R3HDM1: variants seen among roughly 807,000 people sequenced by gnomAD.
The protein encoded by R3HDM1 is R3H domain-containing protein 1.
A neutral mutation model predicts 141.1 loss-of-function variants in R3HDM1; 46 were observed. That is an observed-to-expected ratio of 0.33 (90% CI 0.26 to 0.42). The LOEUF is 0.42. R3HDM1 is among the 10% of genes least tolerant of loss of function. R3HDM1 has a pLI of 1.00. For missense variants in R3HDM1, 1,184 were observed against 1,368.3 expected, an observed-to-expected ratio of 0.87 and a Z score of 2.12; for synonymous variants, 435 against 472.9, an observed-to-expected ratio of 0.92 and a Z score of 1.04.
intron 7 of R3HDM1, among the ~76,000 whole-genome samples, chr2:135,628,719 C>T (rs1490817567): frequency 6.6e-6 from 1 of 152,064 alleles, no homozygotes; most frequent in Non-Finnish European, 1.5e-5. Context: ...CTCCGCCTCC[C>T]GGGTTCAAGC....
chr2:135,531,865 C>T (rs1694808662), intron 1 of R3HDM1: 1 of 984,440 alleles, frequency 1.0e-6, no homozygotes, highest in African/African-American at 1.7e-5. Flanking sequence ...GCCAGGCTCG[C>T]CTGGCCCGCG....
At chr2:135,555,444 A>G (rs182064600) in intron 1 of R3HDM1, among the ~76,000 whole-genome samples, 79 of 152,332 alleles carry the variant, frequency 5.2e-4, no homozygotes, top group African/African-American at 1.8e-3. Context: ...GAATCCTCAT[A>G]TACTGCCAGT....
chr2:135,724,109 C>T lies in R3HDM1; in HGVS notation c.3222C>T (p.Ala1074=). Residue 1074 remains alanine (A), a synonymous_variant, in exon 27 of 27, where the codon GCC becomes GCT. Transcript: ENST00000683871. ...GCTGTGGCAGTGGGGACAACACTGC[C>T]AACCCTGAACGCTCTAAACCCAGTG... ...PLCCGSGDNT[A]NPERSKPSDL... is the part of the protein sequence containing the mutation. The T allele has an allele frequency of 1.2e-6, 2 of 1,614,140 alleles. No individual in the cohort carries two copies. The highest frequency in any genetic ancestry group is 8.5e-7 in the Non-Finnish European group (1 of 1,180,030).
chr2:135,650,111 A>G (rs1251031462), intron 17 of R3HDM1, 108 bp downstream of exon 17: 34 of 1,010,556 alleles, frequency 3.4e-5, no homozygotes, highest in Non-Finnish European at 3.8e-5. Flanking sequence ...TTTTTGGGTC[A>G]GGTTTACATA....
At chr2:135,717,721 A>G (rs1176597219) in intron 24 of R3HDM1, among the ~76,000 whole-genome samples, 1 of 152,228 alleles carries the variant, frequency 6.6e-6, no homozygotes, top group Admixed American at 6.5e-5. Flanking sequence ...ATACAGAGCT[A>G]CTAAAATTCT....
At chr2:135,587,820 CCTCT>C (rs1008944590) in intron 1 of R3HDM1, among the ~76,000 whole-genome samples, 3 of 151,854 alleles carry the variant, frequency 2.0e-5, no homozygotes, top group Non-Finnish European at 4.4e-5. Flanking sequence ...TCTTGCCCTC[CCTCT>C]CTTTTTCTGT....
chr2:135,600,228 G>A (rs2059519740), intron 1 of R3HDM1, among the ~76,000 whole-genome samples: 1 of 149,084 alleles, frequency 6.7e-6, no homozygotes, highest in Admixed American at 6.9e-5. Context: ...TTACAGGCCT[G>A]AGCCACTATA....
intron 24 of R3HDM1, among the ~76,000 whole-genome samples, chr2:135,718,491 T>G (rs973816295): frequency 4.0e-5 from 6 of 151,216 alleles, no homozygotes; most frequent in African/African-American, 9.9e-5. Flanking sequence ...TGTTTGTTGT[T>G]GTTTGTTTTG....
intron 1 of R3HDM1, among the ~76,000 whole-genome samples, chr2:135,565,141 TTCTG>T (rs1702477560): frequency 6.6e-6 from 1 of 152,158 alleles, no homozygotes; most frequent in South Asian, 2.1e-4. Flanking sequence ...AGGATAAACT[TTCTG>T]TAAGTGGTCT....
At position 135,534,282 on chromosome 2, in the gene R3HDM1, C is replaced by G. The variant is rs1365598873; in HGVS notation, c.-250+2649C>G. Among the ~76,000 whole-genome samples the G allele has an allele frequency of 2.6e-5, 4 of 152,314 alleles. No individual in the cohort carries two copies. In the East Asian group the frequency reaches 7.7e-4, roughly 29 times the overall value. On this transcript the variant is annotated intron_variant, in intron 1 of 26. Transcript: ENST00000683871. Reference sequence around the variant, plus strand: ...AATGTTTCAAGCTCTAGTTTATATACTTGCTATCCATATTCATTGTGCTAC... The same window carrying G: ...AATGTTTCAAGCTCTAGTTTATATAGTTGCTATCCATATTCATTGTGCTAC...
chr2:135,565,615 C>G (rs1409687761), intron 1 of R3HDM1: 1 of 151,900 alleles, frequency 6.6e-6, no homozygotes, highest in Non-Finnish European at 1.5e-5. Context: ...GTATGTTCAT[C>G]TTTTTCTTCT....
At chr2:135,634,105 C>G (rs114885115) in intron 9 of R3HDM1, among the ~76,000 whole-genome samples, 37 of 152,216 alleles carry the variant, frequency 2.4e-4, no homozygotes, top group African/African-American at 8.9e-4. Flanking sequence ...GAAGAAAATA[C>G]TCTTTTTCTT....
chr2:135,641,371 T>A (rs2063774226), intron 14 of R3HDM1, among the ~76,000 whole-genome samples, 165 bp from the exon 15 acceptor site: 1 of 152,192 alleles, frequency 6.6e-6, no homozygotes. Flanking sequence ...ATTAAACTTG[T>A]TCGTTATGGG....
chr2:135,546,465 A>G (rs1323549178), intron 1 of R3HDM1, among the ~76,000 whole-genome samples: 1 of 152,168 alleles, frequency 6.6e-6, no homozygotes, highest in East Asian at 1.9e-4. Context: ...AAAAGAGGAA[A>G]TGGTGGACAA....
At chr2:135,646,196 A>G (rs2064382274) in intron 16 of R3HDM1, among the ~76,000 whole-genome samples, 1 of 150,660 alleles carries the variant, frequency 6.6e-6, no homozygotes, top group Non-Finnish European at 1.5e-5. Context: ...AGTGCAGTGA[A>G]GTGATCTTGG....
At chr2:135,618,164 A>ATTT (rs200816941) in intron 5 of R3HDM1, among the ~76,000 whole-genome samples, 1 of 141,010 alleles carries the variant, frequency 7.1e-6, no homozygotes, top group Non-Finnish European at 1.6e-5. Flanking sequence ...TTAATTTATG[A>ATTT]TTTTTTTTTT....
intron 21 of R3HDM1, among the ~76,000 whole-genome samples, chr2:135,698,556 G>A (rs1332089529): frequency 6.6e-6 from 1 of 152,154 alleles, no homozygotes; most frequent in African/African-American, 2.4e-5. Context: ...AATTTAAACT[G>A]TAATATATTT....
intron 1 of R3HDM1, chr2:135,576,976 C>A: frequency 4.2e-6 from 2 of 474,792 alleles, no homozygotes; most frequent in Non-Finnish European, 5.5e-6. Context: ...CTGAACAAGA[C>A]ACTGAATGAA....
chr2:135,565,929 G>T (rs1702695737), intron 1 of R3HDM1: 1 of 152,208 alleles, frequency 6.6e-6, no homozygotes, highest in South Asian at 2.1e-4. Context: ...GAAACAGGTG[G>T]TGAGGATGTG....
Sources: gnomAD v4.1 joint callset for allele counts (sites outside exome capture counted in the v4.1 genomes callset) on GRCh38, gnomAD v4.1.1 for gene constraint, MANE v1.5 for transcripts, NCBI Gene and HGNC (gene_info 2026-07-23, HGNC 2026-07-21) for gene names.